MICU1: variants seen among roughly 807,000 people sequenced by gnomAD.
MICU1 encodes mitochondrial calcium uptake 1, also known as calcium uptake protein 1, mitochondrial.
Under a neutral mutation model 56.8 loss-of-function variants are expected in MICU1, and 45 were observed. The observed-to-expected ratio is 0.79, with a 90% CI of 0.62 to 1.02. The LOEUF is 1.02. MICU1 is among the 50% of genes least tolerant of loss of function. The probability of loss-of-function intolerance (pLI) is 0.00; values close to 1 mark genes in which losing one functional copy is unlikely to be tolerated. For missense variants in MICU1, 504 were observed against 587.1 expected, an observed-to-expected ratio of 0.86 and a Z score of 1.46; for synonymous variants, 186 against 195.1, an observed-to-expected ratio of 0.95 and a Z score of 0.39.
chr10:72,545,595 G>A (rs1839875988), intron 4 of MICU1, among the ~76,000 whole-genome samples: 1 of 152,166 alleles, frequency 6.6e-6, no homozygotes. Context: ...TAAGATAGGG[G>A]TTGGGGAGAA....
chr10:72,446,476 G>A (rs1285350177), intron 8 of MICU1, among the ~76,000 whole-genome samples: 3 of 151,928 alleles, frequency 2.0e-5, no homozygotes, highest in Non-Finnish European at 4.4e-5. Context: ...GATTACAGGT[G>A]TCCGCTACCA....
chr10:72,510,245 G>T (rs1365572425), intron 5 of MICU1, among the ~76,000 whole-genome samples: 1 of 152,108 alleles, frequency 6.6e-6, no homozygotes, highest in Non-Finnish European at 1.5e-5. Flanking sequence ...ATCTAATTTT[G>T]TTGGTAACAA....
chr10:72,535,883 G>C (rs538512371), intron 4 of MICU1, among the ~76,000 whole-genome samples: 1 of 152,080 alleles, frequency 6.6e-6, no homozygotes, highest in Non-Finnish European at 1.5e-5. Flanking sequence ...AAGGTAGAAA[G>C]GAAGAAATTC....
At chr10:72,404,136 C>T (rs11000289) in intron 10 of MICU1, among the ~76,000 whole-genome samples, 67,271 of 151,770 alleles carry the variant, frequency 0.44, 18,758 homozygotes, top group Non-Finnish European at 0.64. Context: ...ATTACAGGTG[C>T]GTGCCACCAT....
At chr10:72,377,024 C>G (rs2132039156) in intron 10 of MICU1, among the ~76,000 whole-genome samples, 1 of 152,258 alleles carries the variant, frequency 6.6e-6, no homozygotes, top group Middle Eastern at 3.4e-3. Context: ...CCCTGCCCAA[C>G]TCTGTCCCTC....
intron 10 of MICU1, among the ~76,000 whole-genome samples, chr10:72,385,616 A>G (rs570553609): frequency 6.6e-6 from 1 of 152,168 alleles, no homozygotes; most frequent in Non-Finnish European, 1.5e-5. Flanking sequence ...GAATAATAAA[A>G]CCAAAGGTGT....
At chr10:72,478,911 A>G (rs1287927729) in intron 6 of MICU1, among the ~76,000 whole-genome samples, 1 of 152,210 alleles carries the variant, frequency 6.6e-6, no homozygotes, top group Non-Finnish European at 1.5e-5. Context: ...CTGGGATTAC[A>G]GGTGTGAGCC....
intron 10 of MICU1, among the ~76,000 whole-genome samples, chr10:72,398,042 T>G (rs1227581158): frequency 2.0e-5 from 3 of 152,206 alleles, no homozygotes; most frequent in Non-Finnish European, 4.4e-5. Context: ...AGTAAAGTAC[T>G]CTTCAGCAAA....
At chr10:72,501,490 C>T (rs1370902192) in intron 6 of MICU1, among the ~76,000 whole-genome samples, 1 of 151,080 alleles carries the variant, frequency 6.6e-6, no homozygotes, top group African/African-American at 2.4e-5. Flanking sequence ...GCTCTGTTAC[C>T]TTGCCACCAT....
chr10:72,474,971 A>T, intron 8 of MICU1, 129 bp downstream of exon 8: 1 of 727,774 alleles, frequency 1.4e-6, no homozygotes, highest in Non-Finnish European at 2.2e-6. Context: ...TCAGTTTATA[A>T]AGCACTGATA....
At chr10:72,618,822 C>G (rs1475585745) in intron 1 of MICU1, among the ~76,000 whole-genome samples, 2 of 152,166 alleles carry the variant, frequency 1.3e-5, no homozygotes, top group African/African-American at 4.8e-5. Context: ...TACTGGGCAT[C>G]TGAAATATGT....
At chr10:72,598,627 G>C (rs922418142) in intron 1 of MICU1, among the ~76,000 whole-genome samples, 10 of 151,894 alleles carry the variant, frequency 6.6e-5, no homozygotes, top group Non-Finnish European at 1.5e-4. Flanking sequence ...CATAAAAAGA[G>C]AATAACCATT....
chr10:72,604,126 G>T (rs1841622039), intron 1 of MICU1, among the ~76,000 whole-genome samples: 1 of 151,944 alleles, frequency 6.6e-6, no homozygotes, highest in Non-Finnish European at 1.5e-5. Context: ...AAAATTCCAT[G>T]GAACTTTTTT....
intron 9 of MICU1, among the ~76,000 whole-genome samples, chr10:72,421,960 C>G (rs1864188968): frequency 6.6e-6 from 1 of 152,146 alleles, no homozygotes; most frequent in Non-Finnish European, 1.5e-5. Context: ...TGCTCAGAAC[C>G]TTCTATACAA....
intron 3 of MICU1, among the ~76,000 whole-genome samples, chr10:72,562,559 C>T (rs1197600952): frequency 6.6e-6 from 1 of 152,108 alleles, no homozygotes; most frequent in Non-Finnish European, 1.5e-5. Flanking sequence ...GTCTCTACAA[C>T]CCGATATCAG....
intron 10 of MICU1, 101 bp downstream of exon 10, chr10:72,407,828 C>A: frequency 1.4e-6 from 1 of 703,786 alleles, no homozygotes. Context: ...TCAAGGATGC[C>A]AAGAAAAACT....
intron 5 of MICU1, among the ~76,000 whole-genome samples, chr10:72,532,674 T>A (rs1839520738): frequency 1.3e-5 from 2 of 152,212 alleles, no homozygotes; most frequent in Non-Finnish European, 2.9e-5. Flanking sequence ...TAACATCTAG[T>A]TCAGCACTCT....
At chr10:72,481,018 G>A (rs1019399736) in intron 6 of MICU1, among the ~76,000 whole-genome samples, 18 of 152,178 alleles carry the variant, frequency 1.2e-4, no homozygotes, top group Non-Finnish European at 1.8e-4. Flanking sequence ...AAGTACATGC[G>A]CTGACACCAC....
intron 8 of MICU1, among the ~76,000 whole-genome samples, chr10:72,437,396 C>A (rs1398444704): frequency 6.6e-6 from 1 of 152,160 alleles, no homozygotes; most frequent in African/African-American, 2.4e-5. Context: ...CTGAAGGAAG[C>A]ACTCAACATA....
Sources: gnomAD v4.1 joint callset for allele counts (sites outside exome capture counted in the v4.1 genomes callset) on GRCh38, gnomAD v4.1.1 for gene constraint, MANE v1.5 for transcripts, NCBI Gene and HGNC (gene_info 2026-07-23, HGNC 2026-07-21) for gene names.